The following MACROD2 variants were observed in gnomAD, a reference collection of about 807,000 sequenced individuals.
MACROD2 encodes the protein ADP-ribose glycohydrolase MACROD2.
In MACROD2, 36 loss-of-function variants were observed where a neutral mutation model predicts 70.4. The ratio of observed to expected loss-of-function variants is 0.51; its 90% CI spans 0.39 to 0.68. The LOEUF is 0.68. Among genes scored for constraint, MACROD2 ranks in the 30% least tolerant of loss-of-function variants. The pLI, the probability that MACROD2 is intolerant of heterozygous loss-of-function variation, is 0.00. For missense variants in MACROD2, 496 were observed against 538.4 expected (o/e 0.92, Z 0.78); for synonymous variants, 172 against 178.8 (o/e 0.96, Z 0.30).
At chr20:14,354,643 A>G (rs2083156216) in intron 3 of MACROD2, among the ~76,000 whole-genome samples, 1 of 152,072 alleles carries the variant, frequency 6.6e-6, no homozygotes, top group South Asian at 2.1e-4. Flanking sequence ...GTACCTGTGC[A>G]GGTTTGTTAC....
At position 15,330,415 on chromosome 20, in the gene MACROD2, G is replaced by A. The variant is rs974339474; in HGVS notation, c.540+100354G>A. On this transcript the variant is annotated intron_variant, in intron 6 of 17. Coordinates refer to ENST00000684519, the MANE Select transcript of MACROD2 (RefSeq NM_001351661.2). ...AGGCAGCCCTGCCTTCAGAGCATCC[G>A]TCCATGAAAACGGATGGAAAATGCA... 6.7e-5 allele frequency among the ~76,000 whole-genome samples: 10 copies of A among 149,548 alleles called. 1 individual carries two copies. The highest frequency in any genetic ancestry group is 2.0e-4 in the African/African-American group (8 of 39,128).
intron 6 of MACROD2, among the ~76,000 whole-genome samples, chr20:15,404,082 A>G (rs901833241): frequency 1.3e-5 from 2 of 152,166 alleles, no homozygotes; most frequent in Non-Finnish European, 2.9e-5. Context: ...AACCCATGCT[A>G]CAATACAATA....
chr20:15,925,818 T>C (rs1334468453), intron 10 of MACROD2, among the ~76,000 whole-genome samples: 2 of 152,170 alleles, frequency 1.3e-5, no homozygotes, highest in Non-Finnish European at 2.9e-5. Flanking sequence ...TCCTTCTACA[T>C]GGACAATGCT....
At chr20:15,197,066 T>A (rs1442171414) in intron 5 of MACROD2, 2 of 978,584 alleles carry the variant, frequency 2.0e-6, no homozygotes, top group South Asian at 4.7e-5. Context: ...AAGGTCCTTA[T>A]AAGGTCCTCT....
At chr20:15,826,175 C>T (rs11907606) in intron 8 of MACROD2, among the ~76,000 whole-genome samples, 18,669 of 152,086 alleles carry the variant, frequency 0.12, 1,262 homozygotes, top group African/African-American at 0.14. Flanking sequence ...AGAAATATTC[C>T]GATATTGTTA....
intron 5 of MACROD2, among the ~76,000 whole-genome samples, chr20:15,148,119 G>T (rs1026735766): frequency 6.6e-5 from 10 of 151,750 alleles, no homozygotes; most frequent in Non-Finnish European, 8.8e-5. Context: ...AAAATTTTTG[G>T]GGGGTGGTAT....
chr20:14,849,153 A>G (rs1345710965), intron 5 of MACROD2, among the ~76,000 whole-genome samples: 1 of 152,140 alleles, frequency 6.6e-6, no homozygotes, highest in Non-Finnish European at 1.5e-5. Context: ...AGACCTGCAA[A>G]ATGCAAGCCT....
intron 4 of MACROD2, among the ~76,000 whole-genome samples, chr20:14,608,132 T>C (rs1982924583): frequency 6.6e-6 from 1 of 152,044 alleles, no homozygotes; most frequent in Non-Finnish European, 1.5e-5. Flanking sequence ...GGCAGGCACC[T>C]CTAATCCTAG....
intron 5 of MACROD2, among the ~76,000 whole-genome samples, chr20:15,084,123 T>G (rs1377535899): frequency 6.7e-6 from 1 of 149,204 alleles, no homozygotes; most frequent in East Asian, 2.0e-4. Flanking sequence ...TGGAGTGCAG[T>G]GGCGCGATCT....
At chr20:14,334,338 A>G (rs1229147825) in intron 3 of MACROD2, among the ~76,000 whole-genome samples, 1 of 152,200 alleles carries the variant, frequency 6.6e-6, no homozygotes, top group East Asian at 1.9e-4. Context: ...TAAGAGGAAG[A>G]ATGCTGTTTC....
intron 8 of MACROD2, among the ~76,000 whole-genome samples, chr20:15,822,127 G>A (rs2063944970): frequency 6.6e-6 from 1 of 152,126 alleles, no homozygotes. Context: ...AATGAACTTT[G>A]AGGATCAGGA....
chr20:15,272,687 G>A lies in MACROD2; in HGVS notation c.540+42626G>A, dbSNP rs145514668. ...GGGAATTCATGGTCTTGAAGGCATA[G>A]AGTGAAGAAATTACTTCTGAATACA... On this transcript the variant is annotated intron_variant, in intron 6 of 17. Coordinates refer to ENST00000684519, the MANE Select transcript of MACROD2 (RefSeq NM_001351661.2). Among the ~76,000 whole-genome samples the A allele has an allele frequency of 2.8e-3, 419 of 152,314 alleles. 4 individuals are homozygous for A. Among genetic ancestry groups the A allele is most frequent in the African/African-American group, 9.2e-3 (383 of 41,574 alleles).
At chr20:14,317,850 A>G (rs1363067846) in intron 3 of MACROD2, among the ~76,000 whole-genome samples, 2 of 152,190 alleles carry the variant, frequency 1.3e-5, no homozygotes. Context: ...TGTGAATTAA[A>G]TGAGATTAAA....
chr20:15,657,180 A>G (rs970078601), intron 8 of MACROD2, among the ~76,000 whole-genome samples: 2 of 152,236 alleles, frequency 1.3e-5, no homozygotes, highest in South Asian at 4.1e-4. Context: ...AAATTATCCA[A>G]TGCTGAGTAA....
intron 10 of MACROD2, among the ~76,000 whole-genome samples, chr20:15,892,671 A>C (rs1484015719): frequency 6.6e-6 from 1 of 152,202 alleles, no homozygotes; most frequent in African/African-American, 2.4e-5. Flanking sequence ...GCACATGTGT[A>C]AGATTTTACA....
intron 8 of MACROD2, among the ~76,000 whole-genome samples, chr20:15,511,916 G>C (rs1322528651): frequency 6.6e-6 from 1 of 152,226 alleles, no homozygotes; most frequent in Non-Finnish European, 1.5e-5. Flanking sequence ...TATCTGAGAA[G>C]ATAGTGGCCT....
chr20:15,518,748 C>T (rs2047604020), intron 8 of MACROD2, among the ~76,000 whole-genome samples: 1 of 152,106 alleles, frequency 6.6e-6, no homozygotes, highest in African/African-American at 2.4e-5. Flanking sequence ...CCTGTAATCC[C>T]AACACTTTGT....
intron 4 of MACROD2, among the ~76,000 whole-genome samples, chr20:14,677,499 C>A (rs1276484156): frequency 6.6e-6 from 1 of 152,226 alleles, no homozygotes; most frequent in East Asian, 1.9e-4. Context: ...GTCAGGGAGT[C>A]AAAATCCTTG....
intron 5 of MACROD2, chr20:14,893,082 A>G (rs1288702685): frequency 6.6e-6 from 1 of 152,226 alleles, no homozygotes; most frequent in African/African-American, 2.4e-5. Flanking sequence ...TTCTCTTAGC[A>G]TAATGTCTTC....
Sources: gnomAD v4.1 joint callset for allele counts (sites outside exome capture counted in the v4.1 genomes callset) on GRCh38, gnomAD v4.1.1 for gene constraint, MANE v1.5 for transcripts, NCBI Gene and HGNC (gene_info 2026-07-23, HGNC 2026-07-21) for gene names.